COX17: variants seen among roughly 807,000 people sequenced by gnomAD.
The protein encoded by COX17 is cytochrome c oxidase copper chaperone.
COX17 carries 1 observed loss-of-function variant against 6.3 expected under a neutral mutation model. The observed-to-expected ratio is 0.16, with a 90% CI of 0.06 to 0.75. The LOEUF (loss-of-function observed/expected upper bound fraction) is 0.75, where lower values mean the gene tolerates loss of function less well. COX17 is among the 30% of genes least tolerant of loss of function. The probability of loss-of-function intolerance (pLI) is 0.77; values close to 1 mark genes in which losing one functional copy is unlikely to be tolerated. For synonymous variants in COX17, 26 were observed against 30.5 expected, an observed-to-expected ratio of 0.85 and a Z score of 0.49; for missense variants, 73 against 81.2, an observed-to-expected ratio of 0.90 and a Z score of 0.39.
chr3:119,666,216 T>C (rs79460467), downstream of COX17, among the ~76,000 whole-genome samples: 3,235 of 152,274 alleles, frequency 0.021, 44 homozygotes, highest in Middle Eastern at 0.065. Context: ...AAAATACATA[T>C]AACCTAATTT....
At chr3:119,677,126 C>CCGTA in intron 1 of COX17, 78 bp downstream of exon 1, 1 of 1,055,390 alleles carries the variant, frequency 9.5e-7, no homozygotes, top group East Asian at 2.5e-5. Context: ...AGGGCAGAGG[C>CCGTA]CGTAGGGCAG....
At chr3:119,670,411 T>C (rs1301370216) in intron 2 of COX17, among the ~76,000 whole-genome samples, 3 of 152,218 alleles carry the variant, frequency 2.0e-5, no homozygotes, top group Non-Finnish European at 4.4e-5. Flanking sequence ...TACAAACATC[T>C]AAACTCTTTT....
At chr3:119,675,065 G>C (rs981453019) in intron 2 of COX17, 80 bp downstream of exon 2, 14 of 992,584 alleles carry the variant, frequency 1.4e-5, no homozygotes, top group Non-Finnish European at 2.2e-5. Context: ...TTAACCAGGT[G>C]AACTACCTTT....
chr3:119,668,534 T>G (rs2053013891), downstream of COX17, among the ~76,000 whole-genome samples: 1 of 151,838 alleles, frequency 6.6e-6, no homozygotes, highest in Admixed American at 6.6e-5. Context: ...AGTTAGGTAT[T>G]ACTTCTATAC....
chr3:119,666,773 A>T (rs1325239650), downstream of COX17: 2 of 152,206 alleles, frequency 1.3e-5, no homozygotes, highest in Non-Finnish European at 2.9e-5. Flanking sequence ...AACGTGTCTG[A>T]TTCACACATG....
chr3:119,668,148 T>A (rs549709856), downstream of COX17, among the ~76,000 whole-genome samples: 7 of 151,850 alleles, frequency 4.6e-5, no homozygotes, highest in East Asian at 1.9e-4. Flanking sequence ...AGAAAAAAAA[T>A]TTTATTTTGT....
At position 119,669,536 on chromosome 3, in the gene COX17, A is replaced by T. The variant is rs1266094730; in HGVS notation, c.*134T>A. On this transcript the variant is annotated 3_prime_UTR_variant, in exon 3 of 3. Coordinates refer to ENST00000261070, the MANE Select transcript of COX17 (RefSeq NM_005694.2). The stretch of plus-strand genomic sequence containing the variant: ...AAAGAAACACAACTGAAGATCTTCC[A>T]CTAGTAATATTTTACTTTCTTCTTA... 8 of 152,224 alleles carry T rather than the reference A, an allele frequency of 5.3e-5. No homozygotes were observed. Among genetic ancestry groups the T allele is most frequent in the Admixed American group, 6.5e-5 (1 of 15,286 alleles). The allele number at this position is 152,224 out of a possible 1,614,324, so 9.4% of individuals were successfully genotyped here.
At position 119,676,752 on chromosome 3, in the gene COX17, G is replaced by A. The variant is rs1009139935; in HGVS notation, c.107+452C>T. Reference sequence around the variant, plus strand: ...TTACCACGTCGTATACAAGTCACTGGTTTATGTCTCCATTAACTTTAAGCT... The same window carrying A: ...TTACCACGTCGTATACAAGTCACTGATTTATGTCTCCATTAACTTTAAGCT... On this transcript the variant is annotated intron_variant, in intron 1 of 2. Transcript: ENST00000261070. 39 of 690,602 alleles carry A rather than the reference G, an allele frequency of 5.6e-5. No individual in the cohort carries two copies. The Middle Eastern group carries it at 1.2e-3, about 20-fold the overall frequency. 42.8% of individuals were successfully genotyped at this position (690,602 alleles called of 1,614,324 possible). A position where few individuals can be genotyped will look rare whatever the true frequency, so the allele number is the denominator to read the frequency against.
At chr3:119,671,050 C>T (rs900544246) in intron 2 of COX17, among the ~76,000 whole-genome samples, 2 of 152,096 alleles carry the variant, frequency 1.3e-5, no homozygotes, top group East Asian at 3.8e-4. Context: ...CTAAAATCAC[C>T]ACCATACCTA....
intron 1 of COX17, 86 bp from the exon 2 acceptor site, chr3:119,675,319 C>T (rs1253078716): frequency 1.1e-6 from 1 of 927,146 alleles, no homozygotes; most frequent in African/African-American, 1.6e-5. Flanking sequence ...TGAGACAAAA[C>T]ACGGGTATAA....
At position 119,670,752 on chromosome 3, in the gene COX17, T is replaced by TTGTGTGTGTG. The variant is rs10542008; in HGVS notation, c.*5-1097_*5-1088dup. On this transcript the variant is annotated intron_variant, in intron 2 of 2. Transcript: ENST00000261070. The stretch of plus-strand genomic sequence containing the variant: ...GGGATATTTTCATACATGATCAGTT[T>TTGTGTGTGTG]TGTGTGTGTGTGTGTGTGTGTGTGT... 1.2e-3 allele frequency among the ~76,000 whole-genome samples: 186 copies of TTGTGTGTGTG among 149,714 alleles called. 1 individual carries two copies. The highest frequency in any genetic ancestry group is 4.4e-3 in the African/African-American group (179 of 40,518).
At chr3:119,672,145 T>C (rs1012508923) in intron 2 of COX17, among the ~76,000 whole-genome samples, 14 of 152,220 alleles carry the variant, frequency 9.2e-5, no homozygotes, top group African/African-American at 3.1e-4. Context: ...TCATCACAAC[T>C]CTATGAAGTA....
At chr3:119,675,409 C>CCTG in intron 1 of COX17, 176 bp from the exon 2 acceptor site, 1 of 552,656 alleles carries the variant, frequency 1.8e-6, no homozygotes, top group Non-Finnish European at 3.2e-6. Context: ...ATGCCCATGC[C>CCTG]TATGAAGACA....
At chr3:119,676,072 A>G (rs75183593) in intron 1 of COX17, among the ~76,000 whole-genome samples, 3,250 of 152,342 alleles carry the variant, frequency 0.021, 45 homozygotes, top group Middle Eastern at 0.071. Flanking sequence ...GCCACTTGAC[A>G]TGGCTTGTAT....
At chr3:119,669,118 G>C (rs568481052), downstream of COX17, among the ~76,000 whole-genome samples, 58 of 152,134 alleles carry the variant, frequency 3.8e-4, no homozygotes, top group African/African-American at 1.3e-3. Context: ...CCAAACAGTT[G>C]AGATCTTCTA....
At chr3:119,676,010 GAAGAT>G in intron 1 of COX17, among the ~76,000 whole-genome samples, 1 of 152,348 alleles carries the variant, frequency 6.6e-6, no homozygotes, top group East Asian at 1.9e-4. Context: ...AGATCATTGT[GAAGAT>G]AATAGCTAGC....
At chr3:119,667,086 G>A (rs1412916899), downstream of COX17, 1 of 152,152 alleles carries the variant, frequency 6.6e-6, no homozygotes, top group Admixed American at 6.5e-5. Context: ...ATATGATCCT[G>A]TTTTCATCAA....
chr3:119,664,589 G>C (rs1347426275), downstream of COX17, among the ~76,000 whole-genome samples: 2 of 152,140 alleles, frequency 1.3e-5, no homozygotes, highest in Non-Finnish European at 2.9e-5. Flanking sequence ...GAGGCAGGCG[G>C]GGGCCATCTT....
At position 119,675,195 on chromosome 3, in the gene COX17, A is replaced by G. The variant is rs754225586; in HGVS notation, c.146T>C (p.Ile49Thr). 3.1e-6 allele frequency: 5 copies of G among 1,613,582 alleles called. No individual in the cohort carries two copies. In the South Asian group the frequency reaches 4.4e-5, roughly 14 times the overall value. Reference sequence around the variant, plus strand: ...TCTCATGCATTCCTTGTGGGCCTCAATTAGATGTCCACAGTGTTCTTCTCC... The same window carrying G: ...TCTCATGCATTCCTTGTGGGCCTCAGTTAGATGTCCACAGTGTTCTTCTCC... The part of the protein sequence containing the change: ...EKGEEHCGHL[I>T]EAHKECMRAL... Residue 49 changes from isoleucine (I) to threonine (T), a missense_variant, in exon 2 of 3, where the codon ATT (isoleucine) becomes ACT (threonine). Ile to Thr is a moderately conservative substitution (Grantham distance 89). Coordinates refer to ENST00000261070, the MANE Select transcript of COX17 (RefSeq NM_005694.2).
Sources: gnomAD v4.1 joint callset for allele counts (sites outside exome capture counted in the v4.1 genomes callset) on GRCh38, gnomAD v4.1.1 for gene constraint, MANE v1.5 for transcripts, NCBI Gene and HGNC (gene_info 2026-07-23, HGNC 2026-07-21) for gene names.